The following VKORC1L1 variants were observed in gnomAD, a reference collection of about 807,000 sequenced individuals.
VKORC1L1 encodes the protein vitamin K epoxide reductase complex subunit 1L1, also known as vitamin K epoxide reductase complex subunit 1-like protein 1.
VKORC1L1 carries 2 observed loss-of-function variants against 18.9 expected under a neutral mutation model. The observed-to-expected ratio is 0.11, with a 90% CI of 0.04 to 0.33. VKORC1L1 has a LOEUF of 0.33. Among genes scored for constraint, VKORC1L1 ranks in the 10% least tolerant of loss-of-function variants. VKORC1L1 has a pLI of 1.00. For missense variants in VKORC1L1, 123 were observed against 224.1 expected (o/e 0.55, Z 2.88); for synonymous variants, 96 against 100.0 (o/e 0.96, Z 0.24).
intron 1 of VKORC1L1, among the ~76,000 whole-genome samples, chr7:65,935,931 A>G (rs573699478): frequency 6.6e-5 from 10 of 151,948 alleles, no homozygotes; most frequent in East Asian, 5.8e-4. Context: ...ATACTGTCCT[A>G]TATTTCAGAT....
chr7:65,891,015 T>G (rs1789102325), intron 1 of VKORC1L1, among the ~76,000 whole-genome samples: 1 of 152,148 alleles, frequency 6.6e-6, no homozygotes, highest in South Asian at 2.1e-4. Flanking sequence ...CCACTATACA[T>G]GCGTTTGGCC....
At chr7:65,868,039 G>T in the VKORC1L1 span, among the ~76,000 whole-genome samples, 1 of 152,178 alleles carries the variant, frequency 6.6e-6, no homozygotes, top group Non-Finnish European at 1.5e-5. Flanking sequence ...TAGAGATAGG[G>T]TTTCCCCATG....
At chr7:65,869,640 CTTTTTTTTTTTTTT>C (rs1226951533), upstream of VKORC1L1, among the ~76,000 whole-genome samples, 1 of 77,284 alleles carries the variant, frequency 1.3e-5, no homozygotes, top group Non-Finnish European at 2.4e-5. Context: ...CGATTTCATT[CTTTTTTTTTTTTTT>C]TTTTTTTTTT....
intron 1 of VKORC1L1, among the ~76,000 whole-genome samples, chr7:65,890,124 A>ATTTTTTTT (rs35228954): frequency 1.1e-5 from 1 of 90,474 alleles, no homozygotes; most frequent in Admixed American, 1.3e-4. Flanking sequence ...CACCTGGGTA[A>ATTTTTTTT]TTTTTTTTTT....
chr7:65,873,350 C>T lies in VKORC1L1; in HGVS notation c.-22C>T, dbSNP rs538912415. 6 of 1,314,690 alleles carry T rather than the reference C, an allele frequency of 4.6e-6. No individual in the cohort carries two copies. Among genetic ancestry groups the T allele is most frequent in the African/African-American group, 1.6e-5 (1 of 63,416 alleles). 81.4% of individuals were successfully genotyped at this position (1,314,690 alleles called of 1,614,324 possible). On this transcript the variant is annotated 5_prime_UTR_variant, in exon 1 of 3. Coordinates refer to ENST00000360768, the MANE Select transcript of VKORC1L1 (RefSeq NM_173517.6). Reference sequence around the variant, plus strand: ...CGGCTGAGGTGGAGGCGGAGGGAGGCGGCGGCGGCGGCGGCGGGAAGATGG... The same window carrying T: ...CGGCTGAGGTGGAGGCGGAGGGAGGTGGCGGCGGCGGCGGCGGGAAGATGG...
the VKORC1L1 span, among the ~76,000 whole-genome samples, chr7:65,867,882 T>C: frequency 6.6e-6 from 1 of 152,330 alleles, no homozygotes; most frequent in South Asian, 2.1e-4. Flanking sequence ...TGTCTTGCTC[T>C]GTCACCCAGG....
At chr7:65,950,977 C>G (rs1790202978) in intron 2 of VKORC1L1, among the ~76,000 whole-genome samples, 1 of 152,156 alleles carries the variant, frequency 6.6e-6, no homozygotes, top group African/African-American at 2.4e-5. Flanking sequence ...CTAAGAACAG[C>G]CTTTGACTAG....
At chr7:65,867,521 A>G in the VKORC1L1 span, among the ~76,000 whole-genome samples, 4 of 151,618 alleles carry the variant, frequency 2.6e-5, no homozygotes, top group Non-Finnish European at 5.9e-5. Flanking sequence ...GGGGTGTCTC[A>G]TGCTGTTGCA....
rs148752040 is a variant in VKORC1L1 at position 65,873,434 on chromosome 7, A to G, written c.63A>G (p.Ala21=). The part of the protein sequence containing the change: ...VPRWERVARY[A]VCAAGILLSI... Reference sequence around the variant, plus strand: ...GGTGGGAGCGGGTGGCCCGGTATGCAGTGTGCGCTGCCGGAATCCTGCTCT... The same window carrying G: ...GGTGGGAGCGGGTGGCCCGGTATGCGGTGTGCGCTGCCGGAATCCTGCTCT... The change falls in exon 1 of 3, where the codon GCA becomes GCG. Residue 21 remains alanine, a synonymous_variant. Transcript: ENST00000360768. The G allele has an allele frequency of 3.8e-6, 6 of 1,587,664 alleles. No individual in the cohort carries two copies. The highest frequency in any genetic ancestry group is 5.1e-6 in the Non-Finnish European group (6 of 1,169,670).
intron 1 of VKORC1L1, among the ~76,000 whole-genome samples, chr7:65,916,063 A>T (rs1370285183): frequency 6.6e-6 from 1 of 150,762 alleles, no homozygotes; most frequent in Non-Finnish European, 1.5e-5. Flanking sequence ...GTGAGCCAAG[A>T]TCACGCTACT....
chr7:65,917,533 A>G (rs1426786592), intron 1 of VKORC1L1, among the ~76,000 whole-genome samples: 1 of 152,112 alleles, frequency 6.6e-6, no homozygotes, highest in South Asian at 2.1e-4. Flanking sequence ...TGGGTCTCAT[A>G]TGCCCTTTCC....
rs368674284 is a variant in VKORC1L1 at position 65,884,810 on chromosome 7, A to G, written c.194+11245A>G. The stretch of plus-strand genomic sequence containing the variant: ...ATTGTTTTGATTTGCATTTTCCCCA[A>G]GCATCAGCAAGATTTAATGGTTTCA... On this transcript the variant is annotated intron_variant, in intron 1 of 2. Transcript: ENST00000360768. Among the ~76,000 whole-genome samples the G allele has an allele frequency of 7.3e-4, 111 of 152,290 alleles. 1 individual carries two copies. The highest frequency in any genetic ancestry group is 2.6e-3 in the African/African-American group (108 of 41,568).
At chr7:65,938,198 A>G (rs926255061) in intron 1 of VKORC1L1, among the ~76,000 whole-genome samples, 3 of 152,226 alleles carry the variant, frequency 2.0e-5, no homozygotes, top group Admixed American at 6.5e-5. Flanking sequence ...TCCGTCTCAA[A>G]AAAAACCATC....
At chr7:65,872,429 C>T (rs2116309505), upstream of VKORC1L1, among the ~76,000 whole-genome samples, 1 of 152,158 alleles carries the variant, frequency 6.6e-6, no homozygotes, top group African/African-American at 2.4e-5. Flanking sequence ...TCTCATGCCT[C>T]AGTCTCCCGA....
At chr7:65,891,044 A>C (rs900599077) in intron 1 of VKORC1L1, among the ~76,000 whole-genome samples, 1 of 151,976 alleles carries the variant, frequency 6.6e-6, no homozygotes, top group Non-Finnish European at 1.5e-5. Flanking sequence ...AACTTCATAT[A>C]AATGGGCTCA....
At chr7:65,872,886 C>T (rs1278994053), upstream of VKORC1L1, among the ~76,000 whole-genome samples, 3 of 152,104 alleles carry the variant, frequency 2.0e-5, no homozygotes, top group Non-Finnish European at 4.4e-5. Flanking sequence ...ACAGTGGCAT[C>T]CTTGCAATGT....
chr7:65,930,505 C>G (rs1419358330), intron 1 of VKORC1L1, among the ~76,000 whole-genome samples: 1 of 152,158 alleles, frequency 6.6e-6, no homozygotes, highest in African/African-American at 2.4e-5. Context: ...ATTGATCAAG[C>G]ATTGGCTGTT....
At chr7:65,892,278 A>G (rs73142142) in intron 1 of VKORC1L1, among the ~76,000 whole-genome samples, 6,583 of 152,032 alleles carry the variant, frequency 0.043, 213 homozygotes, top group Non-Finnish European at 0.07. Flanking sequence ...CGATACACCA[A>G]TTTCCTTTCT....
At chr7:65,867,911 A>G in the VKORC1L1 span, among the ~76,000 whole-genome samples, 235 of 152,272 alleles carry the variant, frequency 1.5e-3, 1 homozygote, top group African/African-American at 5.5e-3. Flanking sequence ...CAGTTGTGCA[A>G]TCTCGACTCA....
Sources: gnomAD v4.1 joint callset for allele counts (sites outside exome capture counted in the v4.1 genomes callset) on GRCh38, gnomAD v4.1.1 for gene constraint, MANE v1.5 for transcripts, NCBI Gene and HGNC (gene_info 2026-07-23, HGNC 2026-07-21) for gene names.